The following VPS28 variants were observed in gnomAD, a reference collection of about 807,000 sequenced individuals.
VPS28 encodes VPS28 subunit of ESCRT-I, also known as vacuolar protein sorting-associated protein 28 homolog.
A neutral mutation model predicts 33.7 loss-of-function variants in VPS28; 29 were observed. The observed-to-expected ratio is 0.86, with a 90% CI of 0.64 to 1.17. VPS28 has a LOEUF of 1.17. Ranked by LOEUF, VPS28 falls within the 50% of genes most tolerant of loss-of-function variation. VPS28 has a pLI of 0.00. For synonymous variants in VPS28, 164 were observed against 116.7 expected (o/e 1.40, Z -2.61); for missense variants, 247 against 312.2 (o/e 0.79, Z 1.57).
rs115458013 is a variant in VPS28 at position 144,426,192 on chromosome 8, C to T, written c.54G>A (p.Pro18=). The part of the protein sequence containing the change: ...TPGIGAPGNK[P]ELYEEVKLYK... The stretch of plus-strand genomic sequence containing the variant: ...ACCCACCACTCACCTCATACAGCTC[C>T]GGCTTGTTCCCAGGGGCTGCAAGAG... Residue 18 remains proline, a synonymous_variant, in exon 3 of 10, where the codon CCG becomes CCA. Coordinates refer to ENST00000292510, the MANE Select transcript of VPS28 (RefSeq NM_016208.4). 6,137 of 1,605,982 alleles carry T rather than the reference C, an allele frequency of 3.8e-3. 189 individuals carry two copies. In the African/African-American group the frequency reaches 0.069, roughly 18 times the overall value.
chr8:144,426,868 C>T, intron 2 of VPS28, 41 bp downstream of exon 2: 1 of 1,610,568 alleles, frequency 6.2e-7, no homozygotes, highest in Non-Finnish European at 8.5e-7. Context: ...TCAGCCCCTG[C>T]AGAAGCGGCT....
chr8:144,426,454 C>T (rs901387640), intron 2 of VPS28: 1 of 507,898 alleles, frequency 2.0e-6, no homozygotes, highest in Admixed American at 3.9e-5. Context: ...ACTGCGGCTC[C>T]CCGGGGGACC....
intron 6 of VPS28, 32 bp downstream of exon 6, chr8:144,424,914 G>A (rs1554876293): frequency 1.6e-5 from 25 of 1,604,214 alleles, no homozygotes; most frequent in South Asian, 7.8e-5. Context: ...CGACAGTCTC[G>A]CCCCATGGGG....
intron 5 of VPS28, 97 bp from the exon 6 acceptor site, chr8:144,425,148 G>A (rs778394355): frequency 2.7e-6 from 3 of 1,110,128 alleles, no homozygotes; most frequent in South Asian, 2.8e-5. Context: ...CTTCCAGAGA[G>A]GACCAGGCGA....
At chr8:144,427,597 C>T (rs1822866151) in intron 1 of VPS28, among the ~76,000 whole-genome samples, 1 of 152,122 alleles carries the variant, frequency 6.6e-6, no homozygotes, top group African/African-American at 2.4e-5. Context: ...CTTAACAGCC[C>T]GCCTTTAAGT....
chr8:144,423,758 C>T lies in VPS28; in HGVS notation c.*47G>A. 5 of 1,610,160 alleles carry T rather than the reference C, an allele frequency of 3.1e-6. No individual in the cohort carries two copies. The highest frequency in any genetic ancestry group is 4.2e-6 in the Non-Finnish European group (5 of 1,178,012). ...GTGTGGCGGACAGGGGACCAGGAGC[C>T]ATCGCCTCAGACTCTGCCCTTCTGT... On this transcript the variant is annotated 3_prime_UTR_variant, in exon 10 of 10. Coordinates refer to ENST00000292510, the MANE Select transcript of VPS28 (RefSeq NM_016208.4).
intron 1 of VPS28, among the ~76,000 whole-genome samples, chr8:144,427,781 G>A (rs782606983): frequency 1.3e-4 from 20 of 152,236 alleles, no homozygotes; most frequent in Non-Finnish European, 2.4e-4. Flanking sequence ...AGCTCCAGAC[G>A]TTCTCTCTTT....
rs782226868 is a variant in VPS28 at position 144,424,760 on chromosome 8, G to A, written c.360C>T (p.Asp120=). 3.7e-6 allele frequency: 6 copies of A among 1,613,588 alleles called. No individual in the cohort carries two copies. The highest frequency in any genetic ancestry group is 2.2e-5 in the East Asian group (1 of 44,850). The change falls in exon 7 of 10, where the codon GAC becomes GAT. Residue 120 remains aspartate (D), a synonymous_variant. Coordinates refer to ENST00000292510, the MANE Select transcript of VPS28 (RefSeq NM_016208.4). ...TGCAGCGGTTGAGGTTGCCCTTGTC[G>A]TCCTTGATGGTGATGGGCCGGTCCT... ...IKEDRPITIK[D]DKGNLNRCIA...
At position 144,424,714 on chromosome 8, in the gene VPS28, G is replaced by A. The variant is rs377458903; in HGVS notation, c.402+4C>T. 85 of 1,609,232 alleles carry A rather than the reference G, an allele frequency of 5.3e-5. No homozygotes were observed. In the African/African-American group the frequency reaches 6.4e-4, roughly 12 times the overall value. ...AACCACGTGCCCTGGGGGCTGGGGC[G>A]CACCGAGACCACGTCTGCGATGCAG... On this transcript the variant is annotated splice_donor_region_variant and intron_variant, in intron 7 of 9. Transcript: ENST00000292510.
rs1234163789 is a variant in VPS28 at position 144,425,506 on chromosome 8, G to A, written c.194+177C>T. On this transcript the variant is annotated intron_variant, in intron 5 of 9. Coordinates refer to ENST00000292510, the MANE Select transcript of VPS28 (RefSeq NM_016208.4). The stretch of plus-strand genomic sequence containing the variant: ...CACCCCAGGAGCTGCGCCTCTGCCC[G>A]CCTCCCTCACCAGCCCCCAGGACTT... 11 of 632,172 alleles carry A rather than the reference G, an allele frequency of 1.7e-5. No homozygotes were observed. The highest frequency in any genetic ancestry group is 9.0e-5 in the Admixed American group (3 of 33,462). 39.2% of individuals were successfully genotyped at this position (632,172 alleles called of 1,614,324 possible).
At chr8:144,425,902 G>A in intron 4 of VPS28, 124 bp downstream of exon 4, 2 of 1,510,890 alleles carry the variant, frequency 1.3e-6, no homozygotes, top group Non-Finnish European at 1.8e-6. Context: ...AGTGCCTCAG[G>A]AACAGTTCCC....
intron 7 of VPS28, 106 bp downstream of exon 7, chr8:144,424,612 G>T: frequency 7.9e-7 from 1 of 1,273,296 alleles, no homozygotes; most frequent in Non-Finnish European, 1.1e-6. Flanking sequence ...TGCCCAGCAA[G>T]TCAGAGTGCT....
Position 144,425,938 on chromosome 8 carries a change from C to A in VPS28, c.104+88G>T, listed in dbSNP as rs541704896. On this transcript the variant is annotated intron_variant, in intron 4 of 9. Transcript: ENST00000292510. Reference sequence around the variant, plus strand: ...CAGACTGACCCTGCGTCCTCCCACCCCTCAGTTTGGGGTGGGTCTGGAGGG... The same window carrying A: ...CAGACTGACCCTGCGTCCTCCCACCACTCAGTTTGGGGTGGGTCTGGAGGG... 5.4e-5 allele frequency: 79 copies of A among 1,473,752 alleles called. No individual in the cohort carries two copies. The East Asian group carries it at 1.9e-3, about 36-fold the overall frequency. 91.3% of individuals were successfully genotyped at this position (1,473,752 alleles called of 1,614,324 possible).
intron 6 of VPS28, 34 bp downstream of exon 6, chr8:144,424,912 T>C: frequency 6.2e-7 from 1 of 1,606,414 alleles, no homozygotes; most frequent in Non-Finnish European, 8.5e-7. Context: ...CCCGACAGTC[T>C]CGCCCCATGG....
In VPS28 at chr8:144,425,743, AC is replaced by A; in HGVS notation, c.133del (p.Val45TrpfsTer2). On this transcript the variant is annotated frameshift_variant, in exon 5 of 10. Transcript: ENST00000292510. LOFTEE classifies it high-confidence loss of function. ...CTCCAGGGCTTGCATTGTCTTCACCACCGCAAACAGCTCTGCCATGTTGTCG... is the reference window on the plus strand; with the variant it reads ...CTCCAGGGCTTGCATTGTCTTCACCACGCAAACAGCTCTGCCATGTTGTCG... Reference protein sequence around the residue: ...KYDNMAELFAVVKTMQALEKA... With the variant: ...KYDNMAELFAXVKTMQALEKA... 6.2e-7 allele frequency: 1 copy of A among 1,613,846 alleles called. No homozygotes were observed. Among genetic ancestry groups the A allele is most frequent in the Non-Finnish European group, 8.5e-7 (1 of 1,179,912 alleles).
chr8:144,427,932 C>G (rs1036268913), intron 1 of VPS28, among the ~76,000 whole-genome samples: 1 of 151,142 alleles, frequency 6.6e-6, no homozygotes, highest in East Asian at 2.0e-4. Context: ...GCGGGCCTGG[C>G]GGGCAGGCGC....
chr8:144,425,893 G>A, intron 4 of VPS28, 121 bp from the exon 5 acceptor site: 4 of 1,527,174 alleles, frequency 2.6e-6, no homozygotes, highest in Middle Eastern at 4.3e-4. Context: ...CCATCCTGGA[G>A]TGCCTCAGGA....
rs1554875845 is a variant in VPS28, at chr8:144,423,934, G to A, written c.549-12C>T. The stretch of plus-strand genomic sequence containing the variant: ...TCAGGGTCTGCAGCCTGGGAGTGCA[G>A]CACAGGGCATGTGGGGGCTGAGGGC... On this transcript the variant is annotated splice_polypyrimidine_tract_variant and intron_variant, in intron 9 of 9. Transcript: ENST00000292510. 2 of 1,613,004 alleles carry A rather than the reference G, an allele frequency of 1.2e-6. No homozygotes were observed. Among genetic ancestry groups the A allele is most frequent in the African/African-American group, 2.7e-5 (2 of 74,952 alleles).
chr8:144,426,547 C>A, intron 2 of VPS28: 2 of 440,116 alleles, frequency 4.5e-6, no homozygotes, highest in South Asian at 2.9e-5. Context: ...TCCACCATGG[C>A]TCCCTGGCGG....
Sources: allele counts gnomAD v4.1 joint callset (sites outside exome capture counted in the v4.1 genomes callset), GRCh38; gene constraint gnomAD v4.1.1; transcripts MANE v1.5; gene names NCBI Gene and HGNC (gene_info 2026-07-23, HGNC 2026-07-21).